The following SCEL variants were observed in gnomAD, a reference collection of about 807,000 sequenced individuals.
SCEL encodes the protein sciellin.
A neutral mutation model predicts 117.6 loss-of-function variants in SCEL; 113 were observed. The observed-to-expected ratio is 0.96, with a 90% CI of 0.83 to 1.12. The LOEUF is 1.12. Among genes scored for constraint, SCEL ranks in the 50% most tolerant of loss-of-function variants. The pLI, the probability that SCEL is intolerant of heterozygous loss-of-function variation, is 0.00. For synonymous variants in SCEL, 270 were observed against 256.2 expected, an observed-to-expected ratio of 1.05 and a Z score of -0.51; for missense variants, 785 against 810.8, an observed-to-expected ratio of 0.97 and a Z score of 0.39.
chr13:77,561,243 A>C (rs1263337928), intron 4 of SCEL, among the ~76,000 whole-genome samples: 15 of 152,216 alleles, frequency 9.9e-5, no homozygotes, highest in Admixed American at 9.8e-4. Flanking sequence ...GTGTTTTTTA[A>C]GTGTGAAATA....
At chr13:77,566,368 A>G (rs2085288698) in intron 5 of SCEL, among the ~76,000 whole-genome samples, 2 of 152,156 alleles carry the variant, frequency 1.3e-5, no homozygotes, top group African/African-American at 4.8e-5. Flanking sequence ...GAGTAGAAAA[A>G]ACATATCAAA....
At position 77,617,602 on chromosome 13, in the gene SCEL, A is replaced by G. The variant is rs776474671; in HGVS notation, c.1455A>G (p.Lys485=). The change falls in exon 25 of 33, where the codon AAA becomes AAG. Residue 485 remains lysine (K), a synonymous_variant. Coordinates refer to ENST00000349847, the MANE Select transcript of SCEL (RefSeq NM_144777.3). ...TTAATATTTTTTCCACTTAAAGAAA[A>G]CAAGATCTTGATAAACTCATCAAGG... ...SPKAVKNTDG[K]QDLDKLIKVN... 6.3e-7 allele frequency: 1 copy of G among 1,583,444 alleles called. No homozygotes were observed. Among genetic ancestry groups the G allele is most frequent in the Non-Finnish European group, 8.6e-7 (1 of 1,160,968 alleles).
intron 11 of SCEL, among the ~76,000 whole-genome samples, chr13:77,592,942 G>A (rs1444228302): frequency 6.6e-6 from 1 of 152,064 alleles, no homozygotes; most frequent in African/African-American, 2.4e-5. Flanking sequence ...ATCTGATTTG[G>A]AATACATGAG....
intron 5 of SCEL, among the ~76,000 whole-genome samples, chr13:77,566,609 A>G (rs1286907778): frequency 2.6e-5 from 4 of 152,220 alleles, no homozygotes; most frequent in African/African-American, 4.8e-5. Flanking sequence ...GTCAAGGTAG[A>G]GTAACTTTTT....
In SCEL at chr13:77,593,295, T is replaced by TGTGTGTGTGTGTGCGC. The variant is rs796907419; in HGVS notation, c.693-217_693-216insGTGTGTGTGTGCGCGT. Among the ~76,000 whole-genome samples the TGTGTGTGTGTGTGCGC allele has an allele frequency of 1.5e-3, 209 of 136,874 alleles. 5 individuals carry two copies. The highest frequency in any genetic ancestry group is 4.9e-3 in the East Asian group (23 of 4,736). The allele number at this position is 136,874 out of a possible 152,430, so 89.8% of individuals were successfully genotyped here. On this transcript the variant is annotated intron_variant, in intron 11 of 32. Coordinates refer to ENST00000349847, the MANE Select transcript of SCEL (RefSeq NM_144777.3). ...GTGTGTGTGTGTGTGTGTGTGTGTG[T>TGTGTGTGTGTGTGCGC]GTCTGTGTGTGTGTGTGTGTGTGTC... is the stretch of plus-strand genomic sequence containing the variant.
chr13:77,544,615 C>T (rs2083895287), intron 1 of SCEL, among the ~76,000 whole-genome samples: 1 of 152,104 alleles, frequency 6.6e-6, no homozygotes, highest in African/African-American at 2.4e-5. Flanking sequence ...GGAGCTGGGG[C>T]TCAGATTGGG....
intron 3 of SCEL, among the ~76,000 whole-genome samples, chr13:77,556,933 A>G (rs2084694355): frequency 6.6e-6 from 1 of 152,210 alleles, no homozygotes; most frequent in African/African-American, 2.4e-5. Flanking sequence ...AGAGAGTGTG[A>G]GTCATTACTG....
chr13:77,555,798 T>A, intron 1 of SCEL, 59 bp from the exon 2 acceptor site: 1 of 1,088,484 alleles, frequency 9.2e-7, no homozygotes. Flanking sequence ...CATGAAACAG[T>A]CACTTACAGG....
At chr13:77,613,015 A>G (rs902765199) in intron 23 of SCEL, 74 bp downstream of exon 23, 11 of 846,246 alleles carry the variant, frequency 1.3e-5, no homozygotes, top group Non-Finnish European at 2.0e-5. Context: ...TTAATTATTT[A>G]ACTAAAGACA....
chr13:77,608,074 T>C lies in SCEL; in HGVS notation c.1176T>C (p.Asn392=). 1 of 1,613,500 alleles carries C rather than the reference T, an allele frequency of 6.2e-7. No individual in the cohort carries two copies. Among genetic ancestry groups the C allele is most frequent in the Admixed American group, 1.7e-5 (1 of 59,972 alleles). The change falls in exon 20 of 33, where the codon AAT becomes AAC. Residue 392 remains asparagine (N), a synonymous_variant. Coordinates refer to ENST00000349847, the MANE Select transcript of SCEL (RefSeq NM_144777.3). ...KNITRGQSLD[N]LIKVTPEVKR... is the part of the protein sequence containing the mutation. ...TTTAAAGGGGCCAGAGCCTTGATAA[T>C]CTCATCAAAGTGACCCCTGAAGTAA...
At chr13:77,632,054 T>G (rs1017516693) in intron 28 of SCEL, among the ~76,000 whole-genome samples, 1 of 152,218 alleles carries the variant, frequency 6.6e-6, no homozygotes, top group Non-Finnish European at 1.5e-5. Context: ...CTTCCTCTTC[T>G]TATGAGGATT....
At chr13:77,638,447 A>G (rs1044540360) in intron 30 of SCEL, among the ~76,000 whole-genome samples, 10 of 152,214 alleles carry the variant, frequency 6.6e-5, no homozygotes, top group African/African-American at 1.9e-4. Context: ...CTTAATAAAG[A>G]TAGTACCAAC....
Position 77,556,665 on chromosome 13 carries a change from C to G in SCEL, c.113C>G (p.Thr38Ser), listed in dbSNP as rs1455426920. Reference protein sequence around the residue: ...QDFHEVNKRRTFLQDNSWIKK... With the variant: ...QDFHEVNKRRSFLQDNSWIKK... ...TTTCACGAGGTGAACAAAAGAAGAACTTTCTTACAGGATAACAGTTGGATA... is the reference window on the plus strand; with the variant it reads ...TTTCACGAGGTGAACAAAAGAAGAAGTTTCTTACAGGATAACAGTTGGATA... The change falls in exon 3 of 33, where the codon ACT becomes AGT. Residue 38 changes from threonine to serine, a missense_variant. Thr to Ser is a moderately conservative substitution (Grantham distance 58). Transcript: ENST00000349847. 2 of 1,614,054 alleles carry G rather than the reference C, an allele frequency of 1.2e-6. No individual in the cohort carries two copies. Among genetic ancestry groups the G allele is most frequent in the South Asian group, 2.2e-5 (2 of 91,086 alleles).
chr13:77,591,251 G>T (rs1392468041), intron 10 of SCEL, 144 bp from the exon 11 acceptor site: 5 of 658,148 alleles, frequency 7.6e-6, no homozygotes, highest in East Asian at 5.6e-5. Flanking sequence ...CCAACCCAAA[G>T]AATTTAAGTT....
At chr13:77,573,520 A>G (rs1003513426) in intron 9 of SCEL, among the ~76,000 whole-genome samples, 3 of 152,200 alleles carry the variant, frequency 2.0e-5, no homozygotes, top group Non-Finnish European at 2.9e-5. Flanking sequence ...AGTAATGGAT[A>G]TGTTTAGAAA....
intron 1 of SCEL, among the ~76,000 whole-genome samples, chr13:77,546,542 G>C (rs1034940701): frequency 3.3e-5 from 5 of 152,172 alleles, no homozygotes; most frequent in African/African-American, 1.2e-4. Context: ...TTCTTGCTAG[G>C]AACATTTAAC....
chr13:77,598,375 C>T (rs761133340), intron 13 of SCEL, among the ~76,000 whole-genome samples: 1 of 152,054 alleles, frequency 6.6e-6, no homozygotes, highest in Non-Finnish European at 1.5e-5. Context: ...CAGAGGATCC[C>T]GAGATGTGTT....
chr13:77,606,215 T>C (rs2088170924), intron 19 of SCEL, among the ~76,000 whole-genome samples: 2 of 152,222 alleles, frequency 1.3e-5, no homozygotes, highest in Non-Finnish European at 2.9e-5. Context: ...ATTGCATATG[T>C]ATGCACAATG....
intron 28 of SCEL, among the ~76,000 whole-genome samples, chr13:77,628,634 A>C (rs2089885525): frequency 6.6e-6 from 1 of 152,178 alleles, no homozygotes; most frequent in African/African-American, 2.4e-5. Flanking sequence ...TCTTACCCCT[A>C]CATATGAGGG....
Sources: gnomAD v4.1 joint callset for allele counts (sites outside exome capture counted in the v4.1 genomes callset) on GRCh38, gnomAD v4.1.1 for gene constraint, MANE v1.5 for transcripts, NCBI Gene and HGNC (gene_info 2026-07-23, HGNC 2026-07-21) for gene names.